The following DAPK1 variants were observed in gnomAD, a reference collection of about 807,000 sequenced individuals.
DAPK1 encodes the protein death-associated protein kinase 1.
Under a neutral mutation model 144.9 loss-of-function variants are expected in DAPK1, and 56 were observed. The ratio of observed to expected loss-of-function variants is 0.39; its 90% CI spans 0.31 to 0.48. DAPK1 has a LOEUF of 0.48. Ranked by LOEUF, DAPK1 falls within the 20% of genes least tolerant of loss-of-function variation. The probability of loss-of-function intolerance (pLI) is 0.95; values close to 1 mark genes in which losing one functional copy is unlikely to be tolerated. For missense variants in DAPK1, 1,454 were observed against 1,875.4 expected (o/e 0.78, Z 4.15); for synonymous variants, 690 against 749.0 (o/e 0.92, Z 1.29).
At chr9:87,557,968 G>A (rs1052964577) in intron 2 of DAPK1, among the ~76,000 whole-genome samples, 1 of 152,094 alleles carries the variant, frequency 6.6e-6, no homozygotes, top group African/African-American at 2.4e-5. Context: ...AACAAAAACC[G>A]AATCCTTTAG....
At chr9:87,692,974 TTTTTTTTTTTTTTTTTTC>T (rs1398823420) in intron 21 of DAPK1, among the ~76,000 whole-genome samples, 15 of 125,874 alleles carry the variant, frequency 1.2e-4, no homozygotes, top group African/African-American at 4.1e-4. Flanking sequence ...TTTTTTTTTT[TTTTTTTTTTTTTTTTTTC>T]TGTTTTCAGA....
intron 2 of DAPK1, among the ~76,000 whole-genome samples, chr9:87,521,464 T>C (rs1227671043): frequency 1.3e-5 from 2 of 152,182 alleles, no homozygotes. Flanking sequence ...AGCCAGTCCA[T>C]GGGACTCCAG....
intron 2 of DAPK1, among the ~76,000 whole-genome samples, chr9:87,521,393 G>T (rs1041094925): frequency 6.6e-6 from 1 of 152,220 alleles, no homozygotes; most frequent in Non-Finnish European, 1.5e-5. Context: ...CTGAATGTAT[G>T]ATTAGAGATT....
chr9:87,556,971 C>T (rs1826741836), intron 2 of DAPK1, among the ~76,000 whole-genome samples: 1 of 152,162 alleles, frequency 6.6e-6, no homozygotes, highest in Non-Finnish European at 1.5e-5. Context: ...TATCAGGAAC[C>T]TTGGCGGAGG....
chr9:87,509,359 ATTTTC>A (rs1459300767), intron 2 of DAPK1, among the ~76,000 whole-genome samples: 1 of 151,898 alleles, frequency 6.6e-6, no homozygotes, highest in Non-Finnish European at 1.5e-5. Context: ...GCCTGCCAGC[ATTTTC>A]TTTTCTTTTT....
At chr9:87,674,695 G>A (rs561431916) in intron 19 of DAPK1, among the ~76,000 whole-genome samples, 11 of 152,268 alleles carry the variant, frequency 7.2e-5, no homozygotes, top group Admixed American at 7.2e-4. Flanking sequence ...CATCCGTGCA[G>A]TCTCACTGCA....
chr9:87,531,768 A>G (rs1587693077), intron 2 of DAPK1, among the ~76,000 whole-genome samples: 1 of 152,324 alleles, frequency 6.6e-6, no homozygotes, highest in South Asian at 2.1e-4. Flanking sequence ...GTTTCCTGTG[A>G]ACATAAAGGA....
intron 2 of DAPK1, among the ~76,000 whole-genome samples, chr9:87,568,772 CA>C (rs1827225638): frequency 6.6e-6 from 1 of 152,140 alleles, no homozygotes; most frequent in Non-Finnish European, 1.5e-5. Flanking sequence ...GTCTCTGAGC[CA>C]TATAGTGTTG....
chr9:87,680,264 C>A (rs1413416802), intron 19 of DAPK1, among the ~76,000 whole-genome samples: 1 of 152,070 alleles, frequency 6.6e-6, no homozygotes, highest in Admixed American at 6.6e-5. Flanking sequence ...GCCACCACGC[C>A]CGGCTAATTT....
In DAPK1 at chr9:87,686,451, G is replaced by A; in HGVS notation, c.2225-100G>A. The A allele has an allele frequency of 1.5e-6, 1 of 680,728 alleles. No individual in the cohort carries two copies. Among genetic ancestry groups the A allele is most frequent in the Non-Finnish European group, 2.6e-6 (1 of 379,588 alleles). 42.2% of individuals were successfully genotyped at this position (680,728 alleles called of 1,614,324 possible). Reference sequence around the variant, plus strand: ...TGAAGCCAGAGTTGGGGTGGGGACAGAGGCGTGCTCCAGAAAAGGAAACCT... The same window carrying A: ...TGAAGCCAGAGTTGGGGTGGGGACAAAGGCGTGCTCCAGAAAAGGAAACCT... On this transcript the variant is annotated intron_variant, in intron 20 of 25. Transcript: ENST00000408954. This position sits in a 1 kb window ranked among gnomAD's most constrained non-coding sequence, Gnocchi z 4.2.
At chr9:87,612,415 G>C (rs890396209) in intron 3 of DAPK1, among the ~76,000 whole-genome samples, 4 of 152,160 alleles carry the variant, frequency 2.6e-5, no homozygotes, top group Non-Finnish European at 5.9e-5. Flanking sequence ...ATACGCCAAG[G>C]AACCTGCCAG....
intron 3 of DAPK1, among the ~76,000 whole-genome samples, chr9:87,621,454 A>ATT (rs1370951864): frequency 2.0e-5 from 3 of 152,176 alleles, no homozygotes; most frequent in African/African-American, 7.2e-5. Flanking sequence ...TCCTGTAGCC[A>ATT]TCTGCAGTAA....
chr9:87,686,188 G>T lies in DAPK1; in HGVS notation c.2225-363G>T, dbSNP rs546271503. 6.6e-6 allele frequency among the ~76,000 whole-genome samples: 1 copy of T among 152,206 alleles called. No homozygotes were observed. Among genetic ancestry groups the T allele is most frequent in the African/African-American group, 2.4e-5 (1 of 41,450 alleles). On this transcript the variant is annotated intron_variant, in intron 20 of 25. Transcript: ENST00000408954. The surrounding 1 kb of genome is among the most constrained non-coding windows in gnomAD (Gnocchi z 4.2). ...ACTGCGAGTATCAGCAAAGTAGCAG[G>T]AAGTGAGAAGGGAAGAAACCCGACC...
intron 2 of DAPK1, among the ~76,000 whole-genome samples, chr9:87,589,476 G>T (rs934596380): frequency 6.6e-6 from 1 of 152,048 alleles, no homozygotes; most frequent in East Asian, 1.9e-4. Flanking sequence ...CTCACGAGGG[G>T]CTGCATTCAC....
intron 3 of DAPK1, among the ~76,000 whole-genome samples, chr9:87,637,596 A>T (rs545056271): frequency 6.6e-6 from 1 of 152,280 alleles, no homozygotes; most frequent in East Asian, 1.9e-4. Context: ...TGGCTTGCAG[A>T]TTTTTTTCTC....
rs1379990248 is a variant in DAPK1 at position 87,686,526 on chromosome 9, T to A, written c.2225-25T>A. The stretch of plus-strand genomic sequence containing the variant: ...GGCACACGCTGCCCCCATCGAGTAC[T>A]CATGTGATCCTTTCCATCCTGCAGT... On this transcript the variant is annotated intron_variant, in intron 20 of 25. Coordinates refer to ENST00000408954, the MANE Select transcript of DAPK1 (RefSeq NM_004938.4). The surrounding 1 kb of genome is among the most constrained non-coding windows in gnomAD (Gnocchi z 4.2). 7.1e-7 allele frequency: 1 copy of A among 1,403,062 alleles called. No individual in the cohort carries two copies. The highest frequency in any genetic ancestry group is 9.9e-7 in the Non-Finnish European group (1 of 1,012,142). 86.9% of individuals were successfully genotyped at this position (1,403,062 alleles called of 1,614,324 possible).
intron 24 of DAPK1, chr9:87,701,975 C>G (rs1825471258): frequency 2.3e-6 from 1 of 428,804 alleles, no homozygotes; most frequent in South Asian, 1.7e-5. Context: ...ACAGTGGTCT[C>G]TGAGGGCCCC....
rs1330474338 is a variant in DAPK1 at position 87,708,219 on chromosome 9, G to A, written c.*855G>A. 4.9e-6 allele frequency: 1 copy of A among 205,790 alleles called. No homozygotes were observed. Among genetic ancestry groups the A allele is most frequent in the East Asian group, 1.4e-4 (1 of 7,364 alleles). 12.7% of individuals were successfully genotyped at this position (205,790 alleles called of 1,614,324 possible). A position where few individuals can be genotyped will look rare whatever the true frequency, so the allele number is the denominator to read the frequency against. On this transcript the variant is annotated 3_prime_UTR_variant, in exon 26 of 26. Transcript: ENST00000408954. ...TGCTTCATCATTCCCTCTCATCTCAGGTAGAAGGTTGACACAGTTGTAGGG... is the reference window on the plus strand; with the variant it reads ...TGCTTCATCATTCCCTCTCATCTCAAGTAGAAGGTTGACACAGTTGTAGGG...
In DAPK1 at chr9:87,647,357, T is replaced by C; in HGVS notation, c.1283T>C (p.Leu428Ser). 6.2e-7 allele frequency: 1 copy of C among 1,614,172 alleles called. No individual in the cohort carries two copies. Among genetic ancestry groups the C allele is most frequent in the Non-Finnish European group, 8.5e-7 (1 of 1,180,020 alleles). Reference protein sequence around the residue: ...WAARHGHVDTLKFLSENKCPL... With the variant: ...WAARHGHVDTSKFLSENKCPL... Reference sequence around the variant, plus strand: ...GCTCGGCATGGCCACGTCGATACCTTGAAATTTCTCAGTGAGAACAAATGC... The same window carrying C: ...GCTCGGCATGGCCACGTCGATACCTCGAAATTTCTCAGTGAGAACAAATGC... The change falls in exon 14 of 26, where the codon TTG becomes TCG. Residue 428 changes from leucine to serine, a missense_variant. Physicochemically the swap from Leu to Ser is moderately radical, Grantham distance 145. Coordinates refer to ENST00000408954, the MANE Select transcript of DAPK1 (RefSeq NM_004938.4).
Sources: allele counts gnomAD v4.1 joint callset (sites outside exome capture counted in the v4.1 genomes callset), GRCh38; gene constraint gnomAD v4.1.1; non-coding constraint Gnocchi (gnomAD v3.1); transcripts MANE v1.5; gene names NCBI Gene and HGNC (gene_info 2026-07-23, HGNC 2026-07-21).